MAL2: variants seen among roughly 807,000 people sequenced by gnomAD.
MAL2 encodes protein MAL2.
A neutral mutation model predicts 18.1 loss-of-function variants in MAL2; 17 were observed. That is an observed-to-expected ratio of 0.94 (90% CI 0.64 to 1.41). The LOEUF (loss-of-function observed/expected upper bound fraction) is 1.41, where lower values mean the gene tolerates loss of function less well. Among genes scored for constraint, MAL2 ranks in the 40% most tolerant of loss-of-function variants. The probability of loss-of-function intolerance (pLI) is 0.00; values close to 1 mark genes in which losing one functional copy is unlikely to be tolerated. For synonymous variants in MAL2, 102 were observed against 102.3 expected, an observed-to-expected ratio of 1.00 and a Z score of 0.02; for missense variants, 222 against 231.9, an observed-to-expected ratio of 0.96 and a Z score of 0.28.
chr8:119,208,420 C>CGGAGGCGGGA lies in MAL2; in HGVS notation c.-50_-41dup, dbSNP rs1817216838. On this transcript the variant is annotated 5_prime_UTR_variant, in exon 1 of 4. Coordinates refer to ENST00000614891, the MANE Select transcript of MAL2 (RefSeq NM_052886.3). The surrounding 1 kb of genome is among the most constrained non-coding windows in gnomAD (Gnocchi z 4.3). ...GCGGCGGCGGCAGGAGCCCGGGAGG[C>CGGAGGCGGGA]GGAGGCGGGAGGCGGCGGCGGCGCG... is the stretch of plus-strand genomic sequence containing the variant. 1.9e-6 allele frequency: 2 copies of CGGAGGCGGGA among 1,033,036 alleles called. No individual in the cohort carries two copies. Among genetic ancestry groups the CGGAGGCGGGA allele is most frequent in the Non-Finnish European group, 2.4e-6 (2 of 845,540 alleles). The allele number at this position is 1,033,036 out of a possible 1,614,324, so 64.0% of individuals were successfully genotyped here. A position where few individuals can be genotyped will look rare whatever the true frequency, so the allele number is the denominator to read the frequency against.
intron 2 of MAL2, among the ~76,000 whole-genome samples, chr8:119,229,348 T>C (rs1276675747): frequency 2.0e-5 from 3 of 148,472 alleles, no homozygotes; most frequent in Non-Finnish European, 4.5e-5. Flanking sequence ...AGTCTTGCTC[T>C]ATTGCCCAGG....
intron 2 of MAL2, among the ~76,000 whole-genome samples, chr8:119,233,166 C>G (rs1040206966): frequency 6.6e-6 from 1 of 152,096 alleles, no homozygotes; most frequent in African/African-American, 2.4e-5. Context: ...GGGACACATT[C>G]AAAGCAGTGT....
In MAL2 at chr8:119,243,438, G is replaced by C; in HGVS notation, c.481G>C (p.Ala161Pro). 6.3e-7 allele frequency: 1 copy of C among 1,599,076 alleles called. No individual in the cohort carries two copies. Reference protein sequence around the residue: ...AASIFAFMTTACYGCSLGLAL... With the variant: ...AASIFAFMTTPCYGCSLGLAL... ...TTAGATTTTTGCCTTTATGACGACA[G>C]CTTGTTATGGTTGCAGTTTGGGTCT... Residue 161 changes from alanine to proline, a missense_variant, in exon 4 of 4, where the codon GCT becomes CCT. Coordinates refer to ENST00000614891, the MANE Select transcript of MAL2 (RefSeq NM_052886.3).
intron 1 of MAL2, among the ~76,000 whole-genome samples, chr8:119,216,501 T>C (rs573307029): frequency 2.0e-5 from 3 of 152,182 alleles, no homozygotes; most frequent in Non-Finnish European, 4.4e-5. Context: ...AAAACCCTTA[T>C]AACGGTGCTT....
At chr8:119,241,828 C>A (rs1818053928) in intron 3 of MAL2, among the ~76,000 whole-genome samples, 1 of 152,120 alleles carries the variant, frequency 6.6e-6, no homozygotes, top group South Asian at 2.1e-4. Flanking sequence ...TCAATTCTTA[C>A]CTAAAACCCC....
Position 119,240,278 on chromosome 8 carries a change from A to G in MAL2, c.417A>G (p.Pro139=), listed in dbSNP as rs758381611. Residue 139 remains proline (P), a synonymous_variant, in exon 3 of 4, where the codon CCA becomes CCG. Transcript: ENST00000614891. Reference sequence around the variant, plus strand: ...GCAATACAACCATAACCGGGCAGCCACTCCTGAGTGATAACCAGTATAACA... The same window carrying G: ...GCAATACAACCATAACCGGGCAGCCGCTCCTGAGTGATAACCAGTATAACA... ...LHCNTTITGQ[P]LLSDNQYNIN... 1 of 1,613,716 alleles carries G rather than the reference A, an allele frequency of 6.2e-7. No homozygotes were observed. Among genetic ancestry groups the G allele is most frequent in the Admixed American group, 1.7e-5 (1 of 59,910 alleles).
chr8:119,228,196 C>T (rs1430181174), intron 2 of MAL2, among the ~76,000 whole-genome samples: 1 of 152,134 alleles, frequency 6.6e-6, no homozygotes, highest in African/African-American at 2.4e-5. Context: ...AAGATGGTAA[C>T]TCCTCTTCCT....
At chr8:119,230,624 C>A (rs56354938) in intron 2 of MAL2, among the ~76,000 whole-genome samples, 3 of 152,002 alleles carry the variant, frequency 2.0e-5, no homozygotes, top group African/African-American at 4.8e-5. Flanking sequence ...TCAGATCACA[C>A]GAAGAGTTGC....
At position 119,244,238 on chromosome 8, in the gene MAL2, A is replaced by T. The variant is rs1210103413; in HGVS notation, c.*750A>T. 1 of 152,232 alleles carries T rather than the reference A, an allele frequency of 6.6e-6. No individual in the cohort carries two copies. Among genetic ancestry groups the T allele is most frequent in the African/African-American group, 2.4e-5 (1 of 41,468 alleles). The allele number at this position is 152,232 out of a possible 1,614,324, so 9.4% of individuals were successfully genotyped here. A position where few individuals can be genotyped will look rare whatever the true frequency, so the allele number is the denominator to read the frequency against. The stretch of plus-strand genomic sequence containing the variant: ...CACATAATATTTAGTGTCATTATGC[A>T]ATAATCACATTGCCTTTGTGTTAAT... On this transcript the variant is annotated 3_prime_UTR_variant, in exon 4 of 4. Transcript: ENST00000614891.
intron 2 of MAL2, among the ~76,000 whole-genome samples, chr8:119,233,870 C>A (rs1470452987): frequency 1.3e-5 from 2 of 151,956 alleles, no homozygotes; most frequent in East Asian, 1.9e-4. Flanking sequence ...AGAGACACAA[C>A]CAAAAAAGAG....
In MAL2 at chr8:119,215,345, G is replaced by T. The variant is rs1460664964; in HGVS notation, c.133-6242G>T. On this transcript the variant is annotated intron_variant, in intron 1 of 3. Transcript: ENST00000614891. ...GAGTGTGTTCCTAGCATCCCAAGCTGCACTCCTAGAGCATTCTCTTTTGGA... is the reference window on the plus strand; with the variant it reads ...GAGTGTGTTCCTAGCATCCCAAGCTTCACTCCTAGAGCATTCTCTTTTGGA... 4 of 152,316 alleles carry T rather than the reference G, an allele frequency of 2.6e-5. No homozygotes were observed. The East Asian group carries it at 7.7e-4, about 29-fold the overall frequency. 9.4% of individuals were successfully genotyped at this position (152,316 alleles called of 1,614,324 possible).
chr8:119,208,668 C>G lies in MAL2; in HGVS notation c.132+64C>G, dbSNP rs1320742776. 4.0e-6 allele frequency: 5 copies of G among 1,239,286 alleles called. No individual in the cohort carries two copies. In the East Asian group the frequency reaches 1.6e-4, roughly 40 times the overall value. The allele number at this position is 1,239,286 out of a possible 1,614,324, so 76.8% of individuals were successfully genotyped here. A position where few individuals can be genotyped will look rare whatever the true frequency, so the allele number is the denominator to read the frequency against. ...GAGGACAGGCGGCGGCATCCTTGTCCCCCGGGCTGTCTTCCTCTGCGTCCG... is the reference window on the plus strand; with the variant it reads ...GAGGACAGGCGGCGGCATCCTTGTCGCCCGGGCTGTCTTCCTCTGCGTCCG... On this transcript the variant is annotated intron_variant, in intron 1 of 3. Coordinates refer to ENST00000614891, the MANE Select transcript of MAL2 (RefSeq NM_052886.3). This position sits in a 1 kb window ranked among gnomAD's most constrained non-coding sequence, Gnocchi z 4.3.
chr8:119,233,161 A>G (rs547678190), intron 2 of MAL2, among the ~76,000 whole-genome samples: 1 of 152,230 alleles, frequency 6.6e-6, no homozygotes, highest in Non-Finnish European at 1.5e-5. Context: ...TCTCTGGGAC[A>G]CATTCAAAGC....
rs376851988 is a variant in MAL2, at chr8:119,221,592, C to T, written c.138C>T (p.Phe46=). The change falls in exon 2 of 4, where the codon TTC becomes TTT. Residue 46 remains phenylalanine (F), a synonymous_variant. Transcript: ENST00000614891. ...ACCCTCTTTTTCTCTTTCAGCTGTTCGGGGGTCTTGTCTGGATTTTGGTTG... is the reference window on the plus strand; with the variant it reads ...ACCCTCTTTTTCTCTTTCAGCTGTTTGGGGGTCTTGTCTGGATTTTGGTTG... ...SGAFVCLEIL[F]GGLVWILVAS... is the part of the protein sequence containing the mutation. 3.1e-4 allele frequency: 506 copies of T among 1,613,510 alleles called. No individual in the cohort carries two copies. Among genetic ancestry groups the T allele is most frequent in the Non-Finnish European group, 4.0e-4 (477 of 1,179,746 alleles).
intron 2 of MAL2, among the ~76,000 whole-genome samples, chr8:119,239,440 A>C (rs573244054): frequency 2.0e-5 from 3 of 152,184 alleles, no homozygotes; most frequent in African/African-American, 7.2e-5. Flanking sequence ...AAAGGACTAC[A>C]GATCATGCTG....
intron 2 of MAL2, among the ~76,000 whole-genome samples, chr8:119,227,810 C>G (rs1193640926): frequency 6.6e-6 from 1 of 152,170 alleles, no homozygotes; most frequent in Admixed American, 6.5e-5. Context: ...TACATGACAT[C>G]TCCGTTCACT....
chr8:119,232,257 G>A (rs116716324), intron 2 of MAL2, among the ~76,000 whole-genome samples: 2,283 of 151,130 alleles, frequency 0.015, 61 homozygotes, highest in African/African-American at 0.054. Flanking sequence ...AAAGAAACTG[G>A]ACTTTGGGAC....
At chr8:119,225,773 C>T (rs908420893) in intron 2 of MAL2, among the ~76,000 whole-genome samples, 13 of 152,294 alleles carry the variant, frequency 8.5e-5, no homozygotes, top group Admixed American at 3.9e-4. Flanking sequence ...ACATCCTCTC[C>T]AGCACCTGTT....
intron 3 of MAL2, among the ~76,000 whole-genome samples, chr8:119,241,909 T>A (rs1818055101): frequency 6.6e-6 from 1 of 152,158 alleles, no homozygotes; most frequent in Admixed American, 6.6e-5. Flanking sequence ...ATGATGCTCA[T>A]TCTCTTTTCA....
Sources: gnomAD v4.1 joint callset for allele counts (sites outside exome capture counted in the v4.1 genomes callset) on GRCh38, gnomAD v4.1.1 for gene constraint, Gnocchi (gnomAD v3.1) non-coding constraint, MANE v1.5 for transcripts, NCBI Gene and HGNC (gene_info 2026-07-23, HGNC 2026-07-21) for gene names.